The following ARHGAP15 variants were observed in gnomAD, a reference collection of about 807,000 sequenced individuals.
ARHGAP15 encodes the protein rho GTPase-activating protein 15.
ARHGAP15 carries 51 observed loss-of-function variants against 63.7 expected under a neutral mutation model. The ratio of observed to expected loss-of-function variants is 0.80; its 90% CI spans 0.64 to 1.01. The LOEUF (loss-of-function observed/expected upper bound fraction) is 1.01. ARHGAP15 is among the 50% of genes least tolerant of loss of function. ARHGAP15 has a pLI of 0.00. For synonymous variants in ARHGAP15, 191 were observed against 193.8 expected (o/e 0.99, Z 0.12); for missense variants, 560 against 564.6 (o/e 0.99, Z 0.08).
At chr2:143,351,599 T>G (rs1685574330) in intron 6 of ARHGAP15, among the ~76,000 whole-genome samples, 1 of 152,208 alleles carries the variant, frequency 6.6e-6, no homozygotes, top group South Asian at 2.1e-4. Context: ...GAATGGCTTT[T>G]TAACCTGGCG....
chr2:143,616,397 A>C (rs981204404), intron 11 of ARHGAP15, among the ~76,000 whole-genome samples: 1 of 152,154 alleles, frequency 6.6e-6, no homozygotes, highest in Admixed American at 6.5e-5. Flanking sequence ...ATAGAGTAGA[A>C]GACCGTTCCA....
chr2:143,338,363 G>A (rs1221559070), intron 6 of ARHGAP15, among the ~76,000 whole-genome samples: 9 of 152,168 alleles, frequency 5.9e-5, no homozygotes, highest in African/African-American at 1.7e-4. Context: ...TTCAACTCAC[G>A]TGGATCAGAT....
At chr2:143,676,890 C>CA (rs1325454600) in intron 12 of ARHGAP15, among the ~76,000 whole-genome samples, 5 of 151,062 alleles carry the variant, frequency 3.3e-5, no homozygotes, top group South Asian at 4.2e-4. Flanking sequence ...AACAAACAAA[C>CA]AAAAAAACCC....
At chr2:143,512,746 C>T (rs1017743346) in intron 9 of ARHGAP15, among the ~76,000 whole-genome samples, 1 of 152,180 alleles carries the variant, frequency 6.6e-6, no homozygotes, top group East Asian at 1.9e-4. Context: ...ATGGCAAGTG[C>T]CATGGCAAGG....
intron 12 of ARHGAP15, among the ~76,000 whole-genome samples, chr2:143,702,410 A>T (rs1460770269): frequency 2.0e-5 from 3 of 151,616 alleles, no homozygotes. Flanking sequence ...TGCTATTTCA[A>T]TTTTTTTTTC....
chr2:143,362,097 T>A (rs1292960799), intron 6 of ARHGAP15, among the ~76,000 whole-genome samples: 1 of 152,106 alleles, frequency 6.6e-6, no homozygotes, highest in Non-Finnish European at 1.5e-5. Context: ...CTAGCCACAT[T>A]TCCTCATTTT....
chr2:143,732,281 A>C (rs1685568951), intron 13 of ARHGAP15, among the ~76,000 whole-genome samples: 1 of 152,162 alleles, frequency 6.6e-6, no homozygotes, highest in African/African-American at 2.4e-5. Flanking sequence ...CCTGGAATAA[A>C]ATTTGGCCCA....
intron 13 of ARHGAP15, among the ~76,000 whole-genome samples, chr2:143,744,390 C>T (rs1686079881): frequency 6.6e-6 from 1 of 152,224 alleles, no homozygotes; most frequent in Non-Finnish European, 1.5e-5. Flanking sequence ...AGAAGCACTT[C>T]ATCCATAAAG....
At chr2:143,636,036 A>C (rs1355556166) in intron 12 of ARHGAP15, among the ~76,000 whole-genome samples, 2 of 152,084 alleles carry the variant, frequency 1.3e-5, no homozygotes, top group African/African-American at 2.4e-5. Context: ...GTCCATGATT[A>C]CTGTCTAGCC....
intron 1 of ARHGAP15, among the ~76,000 whole-genome samples, chr2:143,137,929 G>A (rs1206906638): frequency 6.6e-6 from 1 of 152,052 alleles, no homozygotes; most frequent in Non-Finnish European, 1.5e-5. Flanking sequence ...AGTAATCTGA[G>A]CTTCTGTATA....
chr2:143,703,709 A>G (rs1251853857), intron 13 of ARHGAP15, 185 bp downstream of exon 13: 4 of 489,936 alleles, frequency 8.2e-6, no homozygotes, highest in Non-Finnish European at 1.4e-5. Flanking sequence ...AATCTACAAA[A>G]GGAACTTCTG....
intron 10 of ARHGAP15, among the ~76,000 whole-genome samples, chr2:143,524,576 G>A (rs1388785537): frequency 2.0e-5 from 3 of 152,124 alleles, no homozygotes; most frequent in South Asian, 2.1e-4. Flanking sequence ...AAAAAGGATG[G>A]CTAAAATTAT....
intron 12 of ARHGAP15, among the ~76,000 whole-genome samples, chr2:143,691,382 G>A (rs561308751): frequency 2.0e-5 from 3 of 152,214 alleles, no homozygotes; most frequent in South Asian, 4.2e-4. Context: ...GCATCTTAAC[G>A]CACGGCTAAG....
chr2:143,680,053 G>GAAAAAAAAAAA (rs1683030711), intron 12 of ARHGAP15, among the ~76,000 whole-genome samples: 1 of 127,978 alleles, frequency 7.8e-6, no homozygotes, highest in African/African-American at 3.7e-5. Flanking sequence ...AAAAAAAAAG[G>GAAAAAAAAAAA]AAAAAAATGG....
chr2:143,614,839 A>G (rs1477668745), intron 11 of ARHGAP15, among the ~76,000 whole-genome samples: 1 of 152,236 alleles, frequency 6.6e-6, no homozygotes, highest in African/African-American at 2.4e-5. Flanking sequence ...TGTAGGGAAG[A>G]GTCAAGATTA....
intron 2 of ARHGAP15, among the ~76,000 whole-genome samples, chr2:143,157,016 C>T (rs898052348): frequency 3.3e-5 from 5 of 152,028 alleles, no homozygotes; most frequent in African/African-American, 1.2e-4. Context: ...ATTTTATTGG[C>T]TGTGTTTAAC....
intron 6 of ARHGAP15, among the ~76,000 whole-genome samples, chr2:143,331,352 A>G (rs1342841612): frequency 6.6e-6 from 1 of 152,176 alleles, no homozygotes; most frequent in Non-Finnish European, 1.5e-5. Flanking sequence ...CTTTAGGTCA[A>G]TAGTGTACCA....
chr2:143,153,026 A>T (rs1287120024), intron 1 of ARHGAP15, among the ~76,000 whole-genome samples: 1 of 151,986 alleles, frequency 6.6e-6, no homozygotes, highest in Non-Finnish European at 1.5e-5. Flanking sequence ...CTTTGTAATG[A>T]ATCCAGCCTT....
intron 13 of ARHGAP15, among the ~76,000 whole-genome samples, chr2:143,745,898 C>A (rs1200916299): frequency 6.6e-6 from 1 of 152,134 alleles, no homozygotes; most frequent in Non-Finnish European, 1.5e-5. Flanking sequence ...TAGTAAGAAG[C>A]GAAGCCAGAA....
Sources: allele counts gnomAD v4.1 joint callset (sites outside exome capture counted in the v4.1 genomes callset), GRCh38; gene constraint gnomAD v4.1.1; transcripts MANE v1.5; gene names NCBI Gene and HGNC (gene_info 2026-07-23, HGNC 2026-07-21).